UBE3C: variants seen among roughly 807,000 people sequenced by gnomAD.
The protein encoded by UBE3C is ubiquitin-protein ligase E3C.
Under a neutral mutation model 129.4 loss-of-function variants are expected in UBE3C, and 42 were observed. The observed-to-expected ratio is 0.32, with a 90% CI of 0.25 to 0.42. The LOEUF is 0.42. Among genes scored for constraint, UBE3C ranks in the 10% least tolerant of loss-of-function variants. The pLI is 1.00. For synonymous variants in UBE3C, 510 were observed against 492.4 expected, an observed-to-expected ratio of 1.04 and a Z score of -0.47; for missense variants, 1,049 against 1,319.1, an observed-to-expected ratio of 0.80 and a Z score of 3.17.
intron 4 of UBE3C, among the ~76,000 whole-genome samples, chr7:157,172,624 G>T (rs1437616472): frequency 6.6e-6 from 1 of 152,188 alleles, no homozygotes; most frequent in Admixed American, 6.5e-5. Context: ...CCAGTCTAGA[G>T]AGGCAGTGAA....
intron 22 of UBE3C, among the ~76,000 whole-genome samples, chr7:157,258,720 A>G (rs1584828492): frequency 6.6e-6 from 1 of 152,302 alleles, no homozygotes; most frequent in East Asian, 1.9e-4. Context: ...TCAGCCTCCC[A>G]AAGTGCTGGG....
Position 157,144,716 on chromosome 7 carries a change from G to A in UBE3C, c.66+5378G>A, listed in dbSNP as rs138039346. On this transcript the variant is annotated intron_variant, in intron 1 of 22. Coordinates refer to ENST00000348165, the MANE Select transcript of UBE3C (RefSeq NM_014671.3). ...AAAAAAAAATAGACTTTATTTTTTA[G>A]AGCAGTTTCAGGTTTACAATCAAGC... Among the ~76,000 whole-genome samples, 689 of 152,040 alleles carry A rather than the reference G, an allele frequency of 4.5e-3. 4 individuals carry two copies. The highest frequency in any genetic ancestry group is 0.017 in the Middle Eastern group (5 of 294).
At chr7:157,151,284 G>GT (rs969657768) in intron 1 of UBE3C, among the ~76,000 whole-genome samples, 1 of 152,180 alleles carries the variant, frequency 6.6e-6, no homozygotes, top group African/African-American at 2.4e-5. Flanking sequence ...AAAAATTGTG[G>GT]TTTTCCTTCT....
In UBE3C at chr7:157,231,069, T is replaced by C; in HGVS notation, c.2234-11T>C. On this transcript the variant is annotated splice_polypyrimidine_tract_variant and intron_variant, in intron 17 of 22. Coordinates refer to ENST00000348165, the MANE Select transcript of UBE3C (RefSeq NM_014671.3). ...ATCTTTCCTCCTCACCCTCCCATTT[T>C]TTTTTAACAGAGCCTGATTTGAAAA... 1 of 1,611,898 alleles carries C rather than the reference T, an allele frequency of 6.2e-7. No individual in the cohort carries two copies. The highest frequency in any genetic ancestry group is 8.5e-7 in the Non-Finnish European group (1 of 1,179,168).
chr7:157,249,717 G>T (rs1314499827), intron 19 of UBE3C, among the ~76,000 whole-genome samples: 1 of 152,178 alleles, frequency 6.6e-6, no homozygotes, highest in African/African-American at 2.4e-5. Flanking sequence ...ATACCACAAG[G>T]TCTTTACTGG....
chr7:157,175,992 C>T (rs1322821149), intron 5 of UBE3C, among the ~76,000 whole-genome samples: 1 of 152,154 alleles, frequency 6.6e-6, no homozygotes, highest in Non-Finnish European at 1.5e-5. Context: ...AATCATGCTT[C>T]ACTCAACAGC....
chr7:157,164,868 C>T (rs1032576636), intron 2 of UBE3C, among the ~76,000 whole-genome samples: 5 of 152,054 alleles, frequency 3.3e-5, no homozygotes, highest in Non-Finnish European at 5.9e-5. Flanking sequence ...GCTGGAAGGG[C>T]CTATATTAGA....
At chr7:157,156,300 C>CTTTT (rs1173730075) in intron 1 of UBE3C, among the ~76,000 whole-genome samples, 158 of 85,860 alleles carry the variant, frequency 1.8e-3, no homozygotes, top group Non-Finnish European at 2.2e-3. Context: ...ACCCCCAGTT[C>CTTTT]TTTTTTTTTT....
chr7:157,235,881 C>G (rs551607846), intron 18 of UBE3C, among the ~76,000 whole-genome samples: 1 of 152,094 alleles, frequency 6.6e-6, no homozygotes, highest in Non-Finnish European at 1.5e-5. Flanking sequence ...AACCATTGCT[C>G]GGATCTAAGT....
chr7:157,156,879 T>C (rs1807924752), intron 1 of UBE3C, among the ~76,000 whole-genome samples: 1 of 152,098 alleles, frequency 6.6e-6, no homozygotes, highest in Non-Finnish European at 1.5e-5. Context: ...CCTATAATTT[T>C]CAGCAGCCAA....
In UBE3C at chr7:157,186,727, C is replaced by A. The variant is rs188145571; in HGVS notation, c.1144-107C>A. 1,531 of 1,312,972 alleles carry A rather than the reference C, an allele frequency of 1.2e-3. 4 individuals carry two copies. The highest frequency in any genetic ancestry group is 3.2e-3 in the Middle Eastern group (17 of 5,262). 81.3% of individuals were successfully genotyped at this position (1,312,972 alleles called of 1,614,324 possible). ...GATGTAGATAATTTTGAGATGATGC[C>A]TAGCTTTCTTTGCCCGAAGAAAAAT... is the stretch of plus-strand genomic sequence containing the variant. On this transcript the variant is annotated intron_variant, in intron 9 of 22. Transcript: ENST00000348165.
intron 1 of UBE3C, among the ~76,000 whole-genome samples, chr7:157,148,622 T>C (rs1807671176): frequency 6.6e-6 from 1 of 152,166 alleles, no homozygotes; most frequent in African/African-American, 2.4e-5. Flanking sequence ...AGAGGTGTAA[T>C]GGATGTGATA....
At chr7:157,267,507 A>G in intron 22 of UBE3C, 78 bp from the exon 23 acceptor site, 1 of 1,541,760 alleles carries the variant, frequency 6.5e-7, no homozygotes, top group Non-Finnish European at 8.9e-7. Context: ...GAGCAGGCAC[A>G]TTTTGTGTAC....
At chr7:157,141,567 G>A (rs7784143) in intron 1 of UBE3C, among the ~76,000 whole-genome samples, 1,735 of 152,328 alleles carry the variant, frequency 0.011, 27 homozygotes, top group African/African-American at 0.04. Context: ...ATGCAATGGT[G>A]AGTGTCTGTG....
At chr7:157,214,994 G>A (rs554305208) in intron 13 of UBE3C, among the ~76,000 whole-genome samples, 1 of 152,184 alleles carries the variant, frequency 6.6e-6, no homozygotes, top group Non-Finnish European at 1.5e-5. Flanking sequence ...GCTGACTCCA[G>A]TTTACCCTGA....
At chr7:157,226,170 A>G (rs1253715456) in intron 17 of UBE3C, among the ~76,000 whole-genome samples, 1 of 152,160 alleles carries the variant, frequency 6.6e-6, no homozygotes, top group Non-Finnish European at 1.5e-5. Flanking sequence ...GCGTTTTTGT[A>G]TAAATATTTA....
At chr7:157,161,454 C>CTT (rs58211871) in intron 1 of UBE3C, among the ~76,000 whole-genome samples, 4 of 141,212 alleles carry the variant, frequency 2.8e-5, no homozygotes, top group Non-Finnish European at 4.6e-5. Context: ...TTTGATTTTA[C>CTT]TTTTTTTTTT....
chr7:157,235,608 C>T (rs562135849), intron 18 of UBE3C, among the ~76,000 whole-genome samples: 1 of 152,178 alleles, frequency 6.6e-6, no homozygotes, highest in African/African-American at 2.4e-5. Flanking sequence ...ACAGAAGATC[C>T]AGGGAAGAGA....
chr7:157,167,171 T>G (rs1253908751), intron 2 of UBE3C, among the ~76,000 whole-genome samples: 1 of 152,158 alleles, frequency 6.6e-6, no homozygotes. Context: ...CCTCAAGTGA[T>G]CTGCCCACCT....
Sources: gnomAD v4.1 joint callset for allele counts (sites outside exome capture counted in the v4.1 genomes callset) on GRCh38, gnomAD v4.1.1 for gene constraint, MANE v1.5 for transcripts, NCBI Gene and HGNC (gene_info 2026-07-23, HGNC 2026-07-21) for gene names.